NXPH1: variants seen among roughly 807,000 people sequenced by gnomAD.
The protein encoded by NXPH1 is neurexophilin 1.
In NXPH1, 5 loss-of-function variants were observed where a neutral mutation model predicts 23.7. That is an observed-to-expected ratio of 0.21 (90% CI 0.11 to 0.44). The LOEUF (loss-of-function observed/expected upper bound fraction) is 0.44, where lower values mean the gene tolerates loss of function less well. NXPH1 is among the 20% of genes least tolerant of loss of function. NXPH1 has a pLI of 0.99. For synonymous variants in NXPH1, 144 were observed against 122.2 expected, an observed-to-expected ratio of 1.18 and a Z score of -1.18; for missense variants, 324 against 321.6, an observed-to-expected ratio of 1.01 and a Z score of -0.06.
chr7:8,656,185 G>C (rs759102658), intron 2 of NXPH1, among the ~76,000 whole-genome samples: 2 of 152,134 alleles, frequency 1.3e-5, no homozygotes, highest in African/African-American at 4.8e-5. Context: ...ACGTAGCAAA[G>C]GCAAAATATT....
chr7:8,435,243 C>T lies in NXPH1; in HGVS notation c.-110-361C>T, dbSNP rs988552299. 1 of 231,548 alleles carries T rather than the reference C, an allele frequency of 4.3e-6. No homozygotes were observed. Among genetic ancestry groups the T allele is most frequent in the African/African-American group, 2.3e-5 (1 of 42,658 alleles). The allele number at this position is 231,548 out of a possible 1,614,324, so 14.3% of individuals were successfully genotyped here. A position where few individuals can be genotyped will look rare whatever the true frequency, so the allele number is the denominator to read the frequency against. ...GGGCTGGCGAAGAACCAGCCGCCGC[C>T]TTTAGTCCGAGCCGCCGGGCCACCC... On this transcript the variant is annotated intron_variant, in intron 1 of 2. Coordinates refer to ENST00000405863, the MANE Select transcript of NXPH1 (RefSeq NM_152745.3). The surrounding 1 kb of genome is among the most constrained non-coding windows in gnomAD (Gnocchi z 5.9).
rs147886897 is a variant in NXPH1, at chr7:8,686,005, C to T, written c.55-65003C>T. Among the ~76,000 whole-genome samples the T allele has an allele frequency of 2.6e-4, 39 of 152,062 alleles. 1 individual carries two copies. In the East Asian group the frequency reaches 6.6e-3, roughly 26 times the overall value. Reference sequence around the variant, plus strand: ...TGATGTGTTTATTCCACGTTGCATGCGTGTATCAAAACATCTCATGTATTT... The same window carrying T: ...TGATGTGTTTATTCCACGTTGCATGTGTGTATCAAAACATCTCATGTATTT... On this transcript the variant is annotated intron_variant, in intron 2 of 2. Coordinates refer to ENST00000405863, the MANE Select transcript of NXPH1 (RefSeq NM_152745.3).
At position 8,604,881 on chromosome 7, in the gene NXPH1, T is replaced by C. The variant is rs572927431; in HGVS notation, c.55-146127T>C. 2.0e-5 allele frequency among the ~76,000 whole-genome samples: 3 copies of C among 152,272 alleles called. No individual in the cohort carries two copies. The South Asian group carries it at 6.2e-4, about 32-fold the overall frequency. On this transcript the variant is annotated intron_variant, in intron 2 of 2. Coordinates refer to ENST00000405863, the MANE Select transcript of NXPH1 (RefSeq NM_152745.3). Reference sequence around the variant, plus strand: ...CCTCAAATAAGCCCAAATCTATTTATTCATGTCATAGAGGGGATACACTGA... The same window carrying C: ...CCTCAAATAAGCCCAAATCTATTTACTCATGTCATAGAGGGGATACACTGA...
intron 2 of NXPH1, among the ~76,000 whole-genome samples, chr7:8,724,089 G>A (rs967305710): frequency 6.6e-6 from 1 of 152,150 alleles, no homozygotes; most frequent in African/African-American, 2.4e-5. Context: ...AGTGGATGAC[G>A]GCTTTTAGTA....
intron 2 of NXPH1, among the ~76,000 whole-genome samples, chr7:8,621,661 AT>A (rs1418794479): frequency 1.3e-5 from 2 of 151,688 alleles, no homozygotes; most frequent in Admixed American, 1.3e-4. Flanking sequence ...TAATTTTTGT[AT>A]TTTAGTAGAG....
At chr7:8,707,023 C>T (rs760843798) in intron 2 of NXPH1, among the ~76,000 whole-genome samples, 8 of 152,122 alleles carry the variant, frequency 5.3e-5, no homozygotes, top group Non-Finnish European at 1.2e-4. Flanking sequence ...AACAAAATTG[C>T]ACATGTGCTC....
At chr7:8,712,181 C>A (rs1228148627) in intron 2 of NXPH1, among the ~76,000 whole-genome samples, 1 of 152,156 alleles carries the variant, frequency 6.6e-6, no homozygotes, top group African/African-American at 2.4e-5. Context: ...AAAACGAACA[C>A]AAGTATGTGC....
chr7:8,469,653 C>T (rs562252525), intron 2 of NXPH1, among the ~76,000 whole-genome samples: 6 of 152,144 alleles, frequency 3.9e-5, no homozygotes, highest in African/African-American at 7.2e-5. Context: ...ATGAAGGTTA[C>T]CAGGGATCTT....
intron 2 of NXPH1, among the ~76,000 whole-genome samples, chr7:8,475,265 G>C (rs760987827): frequency 6.6e-6 from 1 of 152,034 alleles, no homozygotes; most frequent in Non-Finnish European, 1.5e-5. Flanking sequence ...GAACCCTGCT[G>C]CTTGGTGTCC....
At chr7:8,484,484 T>C (rs1817126215) in intron 2 of NXPH1, among the ~76,000 whole-genome samples, 1 of 152,124 alleles carries the variant, frequency 6.6e-6, no homozygotes, top group South Asian at 2.1e-4. Flanking sequence ...TCAACAAAAA[T>C]AAGACAAGTT....
At chr7:8,716,622 A>G (rs1348889183) in intron 2 of NXPH1, among the ~76,000 whole-genome samples, 3 of 152,214 alleles carry the variant, frequency 2.0e-5, no homozygotes, top group African/African-American at 7.2e-5. Flanking sequence ...TGTACTTTTC[A>G]TTGCCTTTCA....
rs145961084 is a variant in NXPH1, at chr7:8,634,165, C to T, written c.55-116843C>T. ...ATCTTGAACTGTAGCTCCCATAATCCCCACGTATCATGGGAGAGACCCGGT... is the reference window on the plus strand; with the variant it reads ...ATCTTGAACTGTAGCTCCCATAATCTCCACGTATCATGGGAGAGACCCGGT... On this transcript the variant is annotated intron_variant, in intron 2 of 2. Transcript: ENST00000405863. Among the ~76,000 whole-genome samples, 1,014 of 152,124 alleles carry T rather than the reference C, an allele frequency of 6.7e-3. 18 individuals carry two copies. The highest frequency in any genetic ancestry group is 0.023 in the African/African-American group (951 of 41,502).
At chr7:8,599,452 A>G (rs1819304412) in intron 2 of NXPH1, among the ~76,000 whole-genome samples, 1 of 152,128 alleles carries the variant, frequency 6.6e-6, no homozygotes, top group African/African-American at 2.4e-5. Context: ...TTCCCCACTT[A>G]GTAAGTACAA....
At chr7:8,705,646 T>A (rs928883561) in intron 2 of NXPH1, among the ~76,000 whole-genome samples, 18 of 152,166 alleles carry the variant, frequency 1.2e-4, no homozygotes, top group Non-Finnish European at 2.4e-4. Context: ...ATATGCGGTT[T>A]CTTTATTGAA....
chr7:8,679,879 G>A (rs1821025116), intron 2 of NXPH1, among the ~76,000 whole-genome samples: 1 of 152,242 alleles, frequency 6.6e-6, no homozygotes, highest in African/African-American at 2.4e-5. Context: ...AAATTAGCCA[G>A]GTGTGGTGGC....
intron 2 of NXPH1, among the ~76,000 whole-genome samples, chr7:8,735,687 G>C (rs1256748151): frequency 2.0e-5 from 3 of 152,144 alleles, no homozygotes; most frequent in East Asian, 3.9e-4. Flanking sequence ...TTTTTCTGTT[G>C]TTTGGAATCA....
Position 8,751,805 on chromosome 7 carries a change from T to C in NXPH1, c.*36T>C, listed in dbSNP as rs372390499. 1.9e-6 allele frequency: 3 copies of C among 1,561,758 alleles called. No individual in the cohort carries two copies. The African/African-American group carries it at 4.1e-5, about 21-fold the overall frequency. ...GGGGGTGAGACTGAAGCCTGAGGAA[T>C]TAAAGGTCATATGACAGGGCTGTTA... On this transcript the variant is annotated 3_prime_UTR_variant, in exon 3 of 3. Transcript: ENST00000405863. This position sits in a 1 kb window ranked among gnomAD's most constrained non-coding sequence, Gnocchi z 4.5.
intron 2 of NXPH1, among the ~76,000 whole-genome samples, chr7:8,553,681 A>G (rs1294801979): frequency 6.6e-6 from 1 of 151,594 alleles, no homozygotes; most frequent in Non-Finnish European, 1.5e-5. Flanking sequence ...TTTTCCTTAC[A>G]TCTTCCAGCT....
chr7:8,581,420 A>G (rs552476633), intron 2 of NXPH1, among the ~76,000 whole-genome samples: 1 of 152,262 alleles, frequency 6.6e-6, no homozygotes, highest in East Asian at 1.9e-4. Flanking sequence ...CACATCTTAC[A>G]TGGCTGGAGC....
Sources: allele counts gnomAD v4.1 joint callset (sites outside exome capture counted in the v4.1 genomes callset), GRCh38; gene constraint gnomAD v4.1.1; non-coding constraint Gnocchi (gnomAD v3.1); transcripts MANE v1.5; gene names NCBI Gene and HGNC (gene_info 2026-07-23, HGNC 2026-07-21).